The following ANXA4 variants were observed in gnomAD, a reference collection of about 807,000 sequenced individuals.
ANXA4 encodes the protein 35-beta calcimedin.
In ANXA4, 39 loss-of-function variants were observed where a neutral mutation model predicts 49.8. That is an observed-to-expected ratio of 0.78 (90% CI 0.61 to 1.02). ANXA4 has a LOEUF of 1.02. ANXA4 is among the 50% of genes least tolerant of loss of function. The probability of loss-of-function intolerance (pLI) is 0.00; values close to 1 mark genes in which losing one functional copy is unlikely to be tolerated. For missense variants in ANXA4, 360 were observed against 410.1 expected, an observed-to-expected ratio of 0.88 and a Z score of 1.05; for synonymous variants, 134 against 152.5, an observed-to-expected ratio of 0.88 and a Z score of 0.89.
chr2:69,659,234 C>G (rs1270126383), intron 2 of ANXA4, among the ~76,000 whole-genome samples: 1 of 152,134 alleles, frequency 6.6e-6, no homozygotes, highest in Non-Finnish European at 1.5e-5. Context: ...GAGATAGCAT[C>G]TAGAAACATT....
intron 2 of ANXA4, among the ~76,000 whole-genome samples, chr2:69,677,111 C>A (rs1188297500): frequency 1.3e-5 from 2 of 151,088 alleles, no homozygotes; most frequent in East Asian, 4.0e-4. Flanking sequence ...CCACCACACC[C>A]TGCCAAGCCT....
chr2:69,734,411 A>T (rs890901226), intron 3 of ANXA4, among the ~76,000 whole-genome samples: 2 of 152,244 alleles, frequency 1.3e-5, no homozygotes. Flanking sequence ...TGTAGAACTA[A>T]TGATTACCTC....
intron 3 of ANXA4, among the ~76,000 whole-genome samples, chr2:69,724,102 A>G (rs1326275599): frequency 2.6e-5 from 4 of 152,216 alleles, no homozygotes; most frequent in Admixed American, 2.6e-4. Context: ...CCCGGGCAAC[A>G]AGAGTGAAAC....
intron 11 of ANXA4, among the ~76,000 whole-genome samples, chr2:69,820,123 T>C (rs1179736258): frequency 2.6e-5 from 4 of 151,442 alleles, no homozygotes; most frequent in Non-Finnish European, 4.4e-5. Flanking sequence ...ATGTAGACCT[T>C]GCTCTCAAAG....
intron 2 of ANXA4, among the ~76,000 whole-genome samples, chr2:69,787,090 G>C (rs1672448713): frequency 6.6e-6 from 1 of 152,094 alleles, no homozygotes; most frequent in African/African-American, 2.4e-5. Context: ...GCAAACCCAA[G>C]ACATCTCATT....
chr2:69,774,955 C>A (rs1012490780), intron 1 of ANXA4, among the ~76,000 whole-genome samples: 10 of 152,162 alleles, frequency 6.6e-5, no homozygotes, highest in Non-Finnish European at 1.0e-4. Flanking sequence ...CTGCATCAAC[C>A]CAAACATGAA....
intron 1 of ANXA4, among the ~76,000 whole-genome samples, chr2:69,780,263 T>C (rs112908421): frequency 0.066 from 10,052 of 152,194 alleles, 929 homozygotes; most frequent in Admixed American, 0.22. Flanking sequence ...GGCATGATCT[T>C]GGCTCGCTGC....
intron 2 of ANXA4, among the ~76,000 whole-genome samples, chr2:69,695,910 T>TG: frequency 6.6e-6 from 1 of 151,514 alleles, no homozygotes; most frequent in Non-Finnish European, 1.5e-5. Context: ...ACTTTTTTGC[T>TG]AAAAAAAAAT....
Position 69,818,617 on chromosome 2 carries a change from G to T in ANXA4, c.647G>T (p.Arg216Met), listed in dbSNP as rs1674101928. ...TCTGCAGTGTTTGATGAATACAAAAGGATATCACAGAAGGATATTGAACAG... is the reference window on the plus strand; with the variant it reads ...TCTGCAGTGTTTGATGAATACAAAATGATATCACAGAAGGATATTGAACAG... ...HLLHVFDEYKRISQKDIEQSI... is the reference protein window; with the variant it reads ...HLLHVFDEYKMISQKDIEQSI... Residue 216 changes from arginine to methionine, a missense_variant, in exon 10 of 13, where the codon AGG (arginine) becomes ATG (methionine). Coordinates refer to ENST00000394295, the MANE Select transcript of ANXA4 (RefSeq NM_001153.5). 1.2e-6 allele frequency: 2 copies of T among 1,605,530 alleles called. No individual in the cohort carries two copies. The highest frequency in any genetic ancestry group is 1.7e-6 in the Non-Finnish European group (2 of 1,175,326).
At chr2:69,731,465 A>C (rs548373008) in intron 3 of ANXA4, among the ~76,000 whole-genome samples, 2 of 152,322 alleles carry the variant, frequency 1.3e-5, no homozygotes, top group South Asian at 4.1e-4. Context: ...GTTTTTGAAA[A>C]TAGCCAACTT....
chr2:69,784,272 A>G (rs1170914687), intron 2 of ANXA4, among the ~76,000 whole-genome samples: 1 of 152,090 alleles, frequency 6.6e-6, no homozygotes, highest in Admixed American at 6.5e-5. Context: ...AAAAAGAGTC[A>G]TTAAGAATGC....
At chr2:69,644,165 T>TTCCCCC (rs1553424953), upstream of ANXA4, among the ~76,000 whole-genome samples, 16 of 21,112 alleles carry the variant, frequency 7.6e-4, 1 homozygote, top group African/African-American at 1.2e-3. Flanking sequence ...ACAACTAAGT[T>TTCCCCC]CCCCCCCCCC....
intron 2 of ANXA4, among the ~76,000 whole-genome samples, chr2:69,673,562 G>A (rs936696941): frequency 1.3e-5 from 2 of 151,848 alleles, no homozygotes; most frequent in Admixed American, 6.6e-5. Context: ...TGTAGATGAC[G>A]GGTTGATGGG....
chr2:69,735,818 A>G (rs1247120110), intron 3 of ANXA4, among the ~76,000 whole-genome samples: 1 of 152,154 alleles, frequency 6.6e-6, no homozygotes, highest in African/African-American at 2.4e-5. Context: ...GGGCTCAGCT[A>G]GTTAGTTCCC....
intron 2 of ANXA4, among the ~76,000 whole-genome samples, chr2:69,679,252 T>C (rs927345473): frequency 2.7e-5 from 4 of 148,860 alleles, no homozygotes; most frequent in South Asian, 2.1e-4. Flanking sequence ...TCCTCCCACC[T>C]CAGCCTCCCA....
chr2:69,789,459 G>A (rs1672576012), intron 3 of ANXA4, among the ~76,000 whole-genome samples: 1 of 152,162 alleles, frequency 6.6e-6, no homozygotes, highest in East Asian at 1.9e-4. Context: ...GAAGGCTGGT[G>A]AAGCAGCCTT....
intron 1 of ANXA4, among the ~76,000 whole-genome samples, chr2:69,765,453 G>A (rs1431437738): frequency 6.6e-6 from 1 of 152,150 alleles, no homozygotes; most frequent in Admixed American, 6.5e-5. Flanking sequence ...AGTTCAGTGA[G>A]TGTTGGCAGA....
At chr2:69,644,257 G>A (rs1675910507), upstream of ANXA4, among the ~76,000 whole-genome samples, 1 of 146,960 alleles carries the variant, frequency 6.8e-6, no homozygotes, top group South Asian at 2.1e-4. Context: ...TGGAGGTTGT[G>A]GTTTCCGAAC....
intron 1 of ANXA4, among the ~76,000 whole-genome samples, chr2:69,752,554 C>G (rs1670887953): frequency 6.6e-6 from 1 of 152,164 alleles, no homozygotes; most frequent in Non-Finnish European, 1.5e-5. Flanking sequence ...TCAGGGGCCT[C>G]TCCTACACAC....
Sources: allele counts gnomAD v4.1 joint callset (sites outside exome capture counted in the v4.1 genomes callset), GRCh38; gene constraint gnomAD v4.1.1; transcripts MANE v1.5; gene names NCBI Gene and HGNC (gene_info 2026-07-23, HGNC 2026-07-21).